The following STARD13 variants were observed in gnomAD, a reference collection of about 807,000 sequenced individuals.
STARD13 encodes the protein StAR related lipid transfer domain containing 13.
A neutral mutation model predicts 106.4 loss-of-function variants in STARD13; 62 were observed. The ratio of observed to expected loss-of-function variants is 0.58; its 90% CI spans 0.48 to 0.72. The LOEUF (loss-of-function observed/expected upper bound fraction) is 0.72. Among genes scored for constraint, STARD13 ranks in the 30% least tolerant of loss-of-function variants. The pLI, the probability that STARD13 is intolerant of heterozygous loss-of-function variation, is 0.00. For missense variants in STARD13, 1,387 were observed against 1,424.0 expected, an observed-to-expected ratio of 0.97 and a Z score of 0.42; for synonymous variants, 565 against 553.0, an observed-to-expected ratio of 1.02 and a Z score of -0.31.
At chr13:33,506,302 A>T in the STARD13 span, among the ~76,000 whole-genome samples, 3 of 152,152 alleles carry the variant, frequency 2.0e-5, no homozygotes, top group Non-Finnish European at 4.4e-5. Flanking sequence ...TTTGTGAAGG[A>T]CCATTTTTCC....
At chr13:33,434,044 G>C in the STARD13 span, among the ~76,000 whole-genome samples, 2 of 152,080 alleles carry the variant, frequency 1.3e-5, no homozygotes, top group Non-Finnish European at 2.9e-5. Flanking sequence ...TTAGTGAAAG[G>C]TACACAGTCT....
the STARD13 span, among the ~76,000 whole-genome samples, chr13:33,390,285 C>T: frequency 6.6e-6 from 1 of 152,166 alleles, no homozygotes; most frequent in African/African-American, 2.4e-5. Flanking sequence ...GAACCAAAGA[C>T]TGTTCTCTGG....
At chr13:33,170,385 C>G (rs900603805) in intron 1 of STARD13, among the ~76,000 whole-genome samples, 2 of 152,176 alleles carry the variant, frequency 1.3e-5, no homozygotes, top group African/African-American at 4.8e-5. Flanking sequence ...GGGGCTGAAG[C>G]TAGCCAGGGA....
intron 1 of STARD13, among the ~76,000 whole-genome samples, chr13:33,174,643 C>T (rs1305810421): frequency 6.6e-6 from 1 of 152,204 alleles, no homozygotes; most frequent in Admixed American, 6.5e-5. Context: ...GCAATAAATA[C>T]ACTTGTTTTA....
the STARD13 span, among the ~76,000 whole-genome samples, chr13:33,590,567 GA>G: frequency 1.2e-4 from 18 of 151,830 alleles, no homozygotes; most frequent in Admixed American, 3.3e-4. Context: ...GATGAAGCTG[GA>G]AACCATCATT....
chr13:33,154,870 C>T (rs995782528), intron 3 of STARD13, among the ~76,000 whole-genome samples: 7 of 152,170 alleles, frequency 4.6e-5, no homozygotes, highest in South Asian at 2.1e-4. Context: ...AAAGCAGCCG[C>T]GCGGGAACCG....
chr13:33,205,186 A>T (rs1185643105), intron 1 of STARD13, among the ~76,000 whole-genome samples: 1 of 152,244 alleles, frequency 6.6e-6, no homozygotes, highest in African/African-American at 2.4e-5. Context: ...CCGTTGAAAA[A>T]TGTATTAAAC....
At chr13:33,303,217 G>T (rs1021498288) in intron 1 of STARD13, among the ~76,000 whole-genome samples, 19 of 152,120 alleles carry the variant, frequency 1.2e-4, no homozygotes, top group African/African-American at 4.1e-4. Flanking sequence ...CTTTCACTCT[G>T]TGTTGCTTTT....
At chr13:33,131,095 A>C (rs542708568) in intron 4 of STARD13, among the ~76,000 whole-genome samples, 22 of 152,266 alleles carry the variant, frequency 1.4e-4, no homozygotes, top group African/African-American at 4.8e-4. Flanking sequence ...GCAGCCCCTG[A>C]GAGGGGAGCA....
the STARD13 span, among the ~76,000 whole-genome samples, chr13:33,661,576 T>C: frequency 6.6e-6 from 1 of 152,182 alleles, no homozygotes; most frequent in African/African-American, 2.4e-5. Flanking sequence ...TCAGGAAATT[T>C]ACAGTCATGG....
At chr13:33,141,060 G>T (rs536834619) in intron 4 of STARD13, among the ~76,000 whole-genome samples, 13 of 149,396 alleles carry the variant, frequency 8.7e-5, no homozygotes, top group African/African-American at 3.2e-4. Flanking sequence ...AACTGGCCAA[G>T]AACACTTTCT....
At chr13:33,648,895 G>A in the STARD13 span, among the ~76,000 whole-genome samples, 1 of 147,582 alleles carries the variant, frequency 6.8e-6, no homozygotes, top group East Asian at 2.0e-4. Flanking sequence ...AGGTTCAAGC[G>A]ATTCTCCTGC....
exon 1 of STARD13, chr13:33,350,434 GACC>G (rs2078064761): frequency 3.2e-5 from 48 of 1,523,190 alleles, no homozygotes; most frequent in Non-Finnish European, 4.0e-5. Flanking sequence ...TCCTCATAAC[GACC>G]GGCGGGCTCT....
At chr13:33,474,386 G>A in the STARD13 span, among the ~76,000 whole-genome samples, 1 of 152,156 alleles carries the variant, frequency 6.6e-6, no homozygotes, top group Admixed American at 6.6e-5. Flanking sequence ...ATGTGAACAT[G>A]TCTGCAAGCT....
chr13:33,229,967 AC>A (rs904771104), intron 1 of STARD13, among the ~76,000 whole-genome samples: 2 of 152,176 alleles, frequency 1.3e-5, no homozygotes, highest in Non-Finnish European at 2.9e-5. Flanking sequence ...GCAGAGACAA[AC>A]CCTAGTGAAT....
the STARD13 span, among the ~76,000 whole-genome samples, chr13:33,521,747 T>A: frequency 1.3e-5 from 2 of 152,122 alleles, no homozygotes; most frequent in South Asian, 4.2e-4. Flanking sequence ...ATTCCCTATG[T>A]TTTTACACAA....
intron 3 of STARD13, among the ~76,000 whole-genome samples, chr13:33,149,382 A>G (rs966348240): frequency 1.3e-5 from 2 of 152,194 alleles, no homozygotes; most frequent in African/African-American, 4.8e-5. Flanking sequence ...AAACAAAGTC[A>G]ATTTTTAAAA....
At chr13:33,228,983 G>A (rs891155192) in intron 1 of STARD13, among the ~76,000 whole-genome samples, 8 of 152,156 alleles carry the variant, frequency 5.3e-5, no homozygotes, top group African/African-American at 1.9e-4. Flanking sequence ...AACCACAAAA[G>A]CAAAGTTAAA....
At chr13:33,197,998 G>A (rs984831717) in intron 1 of STARD13, among the ~76,000 whole-genome samples, 1 of 152,050 alleles carries the variant, frequency 6.6e-6, no homozygotes, top group Non-Finnish European at 1.5e-5. Context: ...GTAAAACCCC[G>A]CCTCTACTAA....
Sources: gnomAD v4.1 joint callset for allele counts (sites outside exome capture counted in the v4.1 genomes callset) on GRCh38, gnomAD v4.1.1 for gene constraint, MANE v1.5 for transcripts, NCBI Gene and HGNC (gene_info 2026-07-23, HGNC 2026-07-21) for gene names.